The following PHF12 variants were observed in gnomAD, a reference collection of about 807,000 sequenced individuals.
PHF12 encodes PHD finger protein 12, also known as PHD factor 1.
In PHF12, 6 loss-of-function variants were observed where a neutral mutation model predicts 99.8. That is an observed-to-expected ratio of 0.06 (90% CI 0.03 to 0.12). The LOEUF is 0.12. Among genes scored for constraint, PHF12 ranks in the 10% least tolerant of loss-of-function variants. The pLI is 1.00. For synonymous variants in PHF12, 480 were observed against 514.9 expected, an observed-to-expected ratio of 0.93 and a Z score of 0.92; for missense variants, 954 against 1,300.1, an observed-to-expected ratio of 0.73 and a Z score of 4.09.
At chr17:28,921,840 C>T in intron 4 of PHF12, 32 bp from the exon 5 acceptor site, 11 of 1,611,256 alleles carry the variant, frequency 6.8e-6, no homozygotes, top group African/African-American at 2.7e-5. Context: ...CTGAGCTATC[C>T]CTGGCTTCAG....
Position 28,912,554 on chromosome 17 carries a change from G to C in PHF12, c.2017C>G (p.Pro673Ala). 1.2e-6 allele frequency: 2 copies of C among 1,613,978 alleles called. No homozygotes were observed. The highest frequency in any genetic ancestry group is 1.7e-6 in the Non-Finnish European group (2 of 1,179,806). The change falls in exon 9 of 15, where the codon CCG becomes GCG. Residue 673 changes from proline to alanine, a missense_variant. Physicochemically the swap from Pro to Ala is conservative, Grantham distance 27 (BLOSUM62 -1). Transcript: ENST00000332830. ...AAGATACCATCTCCTGCTGCTTGCG[G>C]GGGAGTGAGCACCCGGGTGGCGTTT... Reference protein sequence around the residue: ...PPNATRVLTPPQAAGDGILAT... With the variant: ...PPNATRVLTPAQAAGDGILAT...
At chr17:28,912,081 T>TC in intron 9 of PHF12, 7 of 1,021,214 alleles carry the variant, frequency 6.9e-6, no homozygotes, top group Admixed American at 1.1e-4. Context: ...TGTGTGGATC[T>TC]GACAATACTG....
chr17:28,935,536 T>C (rs1163545913), intron 2 of PHF12, among the ~76,000 whole-genome samples: 1 of 152,162 alleles, frequency 6.6e-6, no homozygotes, highest in Non-Finnish European at 1.5e-5. Context: ...CCTCCCAAAG[T>C]GTTGGGATTA....
In PHF12 at chr17:28,949,624, C is replaced by G. The variant is rs1283032222; in HGVS notation, c.248+441G>C. 6.2e-6 allele frequency: 1 copy of G among 160,802 alleles called. No individual in the cohort carries two copies. Among genetic ancestry groups the G allele is most frequent in the East Asian group, 1.8e-4 (1 of 5,466 alleles). The allele number at this position is 160,802 out of a possible 1,614,324, so 10.0% of individuals were successfully genotyped here. A position where few individuals can be genotyped will look rare whatever the true frequency, so the allele number is the denominator to read the frequency against. ...GCCACAAGCGCCCGGTTGCCGGGGT[C>G]TGGACCAGGGCAACTCAGGTGGCCG... On this transcript the variant is annotated intron_variant, in intron 2 of 14. Transcript: ENST00000332830. The surrounding 1 kb of genome is among the most constrained non-coding windows in gnomAD (Gnocchi z 4.6).
In PHF12 at chr17:28,950,870, A is replaced by T; in HGVS notation, c.66+25T>A. The T allele has an allele frequency of 6.2e-7, 1 of 1,611,218 alleles. No individual in the cohort carries two copies. The highest frequency in any genetic ancestry group is 2.2e-5 in the East Asian group (1 of 44,476). On this transcript the variant is annotated intron_variant, in intron 1 of 14. Coordinates refer to ENST00000332830, the MANE Select transcript of PHF12 (RefSeq NM_001033561.2). This position sits in a 1 kb window ranked among gnomAD's most constrained non-coding sequence, Gnocchi z 5.7. ...GAGGTTCCCTCCCGGCGCTGGAGGA[A>T]GGAGATGAGGAGGGCCACTCTTACC...
intron 2 of PHF12, among the ~76,000 whole-genome samples, chr17:28,933,102 T>C (rs1251296920): frequency 6.6e-6 from 1 of 152,158 alleles, no homozygotes; most frequent in African/African-American, 2.4e-5. Flanking sequence ...TCCTCATGTA[T>C]CAATGAAGAC....
chr17:28,915,628 G>A (rs2040048315), intron 7 of PHF12, among the ~76,000 whole-genome samples: 2 of 152,136 alleles, frequency 1.3e-5, no homozygotes, highest in Non-Finnish European at 2.9e-5. Flanking sequence ...CTACCCCTGG[G>A]GTAAGAACAG....
rs919014924 is a variant in PHF12, at chr17:28,908,840, G to C, written c.2401C>G (p.Leu801Val). 5.0e-6 allele frequency: 8 copies of C among 1,613,996 alleles called. No homozygotes were observed. Among genetic ancestry groups the C allele is most frequent in the Non-Finnish European group, 5.9e-6 (7 of 1,180,016 alleles). ...EVQARAVFYPLLGLGGAVNMC... is the reference protein window; with the variant it reads ...EVQARAVFYPVLGLGGAVNMC... ...TTCACAGCTCCTCCCAACCCTAAGA[G>C]GGGGTAGAACACAGCTCGGGCCTGT... The change falls in exon 12 of 15, where the codon CTC becomes GTC. Residue 801 changes from leucine to valine, a missense_variant. Around this residue, in one of 8 missense-constraint regions of PHF12, gnomAD observed 143 missense variants for 191.8 expected, o/e 0.75. Transcript: ENST00000332830.
chr17:28,950,429 C>A lies in PHF12; in HGVS notation c.67-183G>T. ...GGGGGAGCCCACCCTAACCGCGTTCCTGCAGCACAACAACGAGAACAGCTT... is the reference window on the plus strand; with the variant it reads ...GGGGGAGCCCACCCTAACCGCGTTCATGCAGCACAACAACGAGAACAGCTT... On this transcript the variant is annotated intron_variant, in intron 1 of 14. Transcript: ENST00000332830. The surrounding 1 kb of genome is among the most constrained non-coding windows in gnomAD (Gnocchi z 5.7). 1 of 634,376 alleles carries A rather than the reference C, an allele frequency of 1.6e-6. No individual in the cohort carries two copies. Among genetic ancestry groups the A allele is most frequent in the Non-Finnish European group, 2.7e-6 (1 of 370,198 alleles). The allele number at this position is 634,376 out of a possible 1,614,324, so 39.3% of individuals were successfully genotyped here.
intron 7 of PHF12, among the ~76,000 whole-genome samples, chr17:28,914,887 C>CAACATTTAT (rs2040036035): frequency 1.3e-5 from 2 of 152,086 alleles, no homozygotes; most frequent in Non-Finnish European, 2.9e-5. Context: ...TACATTCAAC[C>CAACATTTAT]AACATTTATT....
chr17:28,947,371 C>T (rs1369766686), intron 2 of PHF12, among the ~76,000 whole-genome samples: 2 of 152,092 alleles, frequency 1.3e-5, no homozygotes, highest in African/African-American at 4.8e-5. Context: ...TAATAAAATA[C>T]TTCACTCTCC....
intron 7 of PHF12, among the ~76,000 whole-genome samples, chr17:28,914,540 T>C (rs1457164907): frequency 2.0e-5 from 3 of 151,230 alleles, no homozygotes; most frequent in Non-Finnish European, 4.4e-5. Context: ...GGCGTGGTGG[T>C]GGGCGCCTAT....
chr17:28,943,053 GA>G (rs1038925052), intron 2 of PHF12, among the ~76,000 whole-genome samples: 11 of 152,130 alleles, frequency 7.2e-5, no homozygotes, highest in African/African-American at 2.7e-4. Context: ...ATAACCACAT[GA>G]AAAAAAGTTT....
chr17:28,930,838 A>T (rs2152671197), intron 2 of PHF12, among the ~76,000 whole-genome samples: 1 of 152,292 alleles, frequency 6.6e-6, no homozygotes, highest in Non-Finnish European at 1.5e-5. Flanking sequence ...TGTGAGGCCG[A>T]GGTGGGTGGA....
intron 2 of PHF12, among the ~76,000 whole-genome samples, chr17:28,932,695 C>CA (rs2040435297): frequency 6.6e-6 from 1 of 152,168 alleles, no homozygotes; most frequent in African/African-American, 2.4e-5. Context: ...CCTGTAATCC[C>CA]AGCACTTTGG....
intron 4 of PHF12, 40 bp from the exon 5 acceptor site, chr17:28,921,848 C>A: frequency 6.2e-7 from 1 of 1,610,926 alleles, no homozygotes; most frequent in Non-Finnish European, 8.5e-7. Flanking sequence ...TCCCTGGCTT[C>A]AGAGTTCCTA....
Position 28,906,005 on chromosome 17 carries a change from GAGAAA to G in PHF12, c.*173_*177del. 1 of 674,710 alleles carries G rather than the reference GAGAAA, an allele frequency of 1.5e-6. No homozygotes were observed. Among genetic ancestry groups the G allele is most frequent in the Non-Finnish European group, 2.3e-6 (1 of 425,578 alleles). 41.8% of individuals were successfully genotyped at this position (674,710 alleles called of 1,614,324 possible). On this transcript the variant is annotated 3_prime_UTR_variant, in exon 15 of 15. Transcript: ENST00000332830. The surrounding 1 kb of genome is among the most constrained non-coding windows in gnomAD (Gnocchi z 4.2). ...TATGTGCAAATGCCCCCTAGAACTT[GAGAAA>G]AGAAAAAGGATTTTTAAAAAACAGT...
Position 28,951,009 on chromosome 17 carries a change from C to CGGGGGGA in PHF12, c.-56_-50dup, listed in dbSNP as rs776572294. ...CTCTCTGCTCCGGCCCCCCCAACCCCGGGGGGAGGGGGGAGGTGAGGGGAG... is the reference window on the plus strand; with the variant it reads ...CTCTCTGCTCCGGCCCCCCCAACCCCGGGGGGAGGGGGGAGGGGGGAGGTGAGGGGAG... On this transcript the variant is annotated 5_prime_UTR_variant, in exon 1 of 15. Transcript: ENST00000332830. 1.1e-5 allele frequency: 17 copies of CGGGGGGA among 1,608,466 alleles called. No homozygotes were observed. The highest frequency in any genetic ancestry group is 6.7e-5 in the Admixed American group (4 of 59,646).
rs775025875 is a variant in PHF12, at chr17:28,924,028, G to A, written c.596C>T (p.Pro199Leu). ...DVDEEPVAAE[P>L]DYVQPQLRRP... ...CCTCAGCTGGGGCTGCACATAGTCT[G>A]GCTCCGCTGCTACTGGTTCCTCATC... Residue 199 changes from proline (P) to leucine (L), a missense_variant, in exon 4 of 15, where the codon CCA becomes CTA. Transcript: ENST00000332830. 6.2e-7 allele frequency: 1 copy of A among 1,614,170 alleles called. No individual in the cohort carries two copies. Among genetic ancestry groups the A allele is most frequent in the Non-Finnish European group, 8.5e-7 (1 of 1,180,034 alleles).
Sources: gnomAD v4.1 joint callset for allele counts (sites outside exome capture counted in the v4.1 genomes callset) on GRCh38, gnomAD v4.1.1 for gene constraint, gnomAD v4.1.1 regional missense constraint, Gnocchi (gnomAD v3.1) non-coding constraint, MANE v1.5 for transcripts, NCBI Gene and HGNC (gene_info 2026-07-23, HGNC 2026-07-21) for gene names.